The following CA10 variants were observed in gnomAD, a reference collection of about 807,000 sequenced individuals.
The protein encoded by CA10 is carbonic anhydrase-related protein 10.
Under a neutral mutation model 44.2 loss-of-function variants are expected in CA10, and 14 were observed. The ratio of observed to expected loss-of-function variants is 0.32; its 90% CI spans 0.21 to 0.50. The LOEUF (loss-of-function observed/expected upper bound fraction) is 0.50, where lower values mean the gene tolerates loss of function less well. CA10 is among the 20% of genes least tolerant of loss of function. The pLI is 0.99. For synonymous variants in CA10, 159 were observed against 141.6 expected (o/e 1.12, Z -0.87); for missense variants, 350 against 409.7 (o/e 0.85, Z 1.26).
At chr17:52,105,297 C>T (rs1988635166) in intron 1 of CA10, among the ~76,000 whole-genome samples, 1 of 152,010 alleles carries the variant, frequency 6.6e-6, no homozygotes. Context: ...CTCTGTCGCC[C>T]AGGCTGGAGT....
At chr17:52,118,329 T>G (rs1988941754) in intron 1 of CA10, among the ~76,000 whole-genome samples, 1 of 152,238 alleles carries the variant, frequency 6.6e-6, no homozygotes, top group South Asian at 2.1e-4. Flanking sequence ...AAAAATTTTT[T>G]GGAAAACAAA....
intron 3 of CA10, among the ~76,000 whole-genome samples, chr17:51,807,041 G>T (rs552198730): frequency 6.6e-6 from 1 of 152,228 alleles, no homozygotes; most frequent in Non-Finnish European, 1.5e-5. Flanking sequence ...AACCAAGGCA[G>T]ATTAAAGTGC....
intron 3 of CA10, among the ~76,000 whole-genome samples, chr17:51,875,098 C>T (rs1019115141): frequency 6.6e-6 from 1 of 152,020 alleles, no homozygotes; most frequent in Non-Finnish European, 1.5e-5. Context: ...CTCAACCTCC[C>T]AAGTAGCTGG....
chr17:51,678,315 G>C (rs1330842277), intron 4 of CA10, among the ~76,000 whole-genome samples: 1 of 152,098 alleles, frequency 6.6e-6, no homozygotes, highest in East Asian at 1.9e-4. Context: ...TTTTGACTGT[G>C]CTAAGTGCCA....
At chr17:51,757,852 A>G (rs1340660578) in intron 3 of CA10, among the ~76,000 whole-genome samples, 1 of 151,580 alleles carries the variant, frequency 6.6e-6, no homozygotes, top group Non-Finnish European at 1.5e-5. Context: ...GAGCTTTAGG[A>G]GTAGGCCTTT....
intron 4 of CA10, among the ~76,000 whole-genome samples, chr17:51,713,032 T>C (rs1335078945): frequency 6.6e-6 from 1 of 152,188 alleles, no homozygotes; most frequent in Non-Finnish European, 1.5e-5. Context: ...CTATCTCTGG[T>C]TCTAGAGCAG....
chr17:51,926,359 A>C (rs1331357084), intron 3 of CA10, among the ~76,000 whole-genome samples: 1 of 152,192 alleles, frequency 6.6e-6, no homozygotes, highest in Non-Finnish European at 1.5e-5. Context: ...CAAAAATGCC[A>C]AAAAGTTTTA....
chr17:51,762,395 G>C (rs1193605936), intron 3 of CA10: 1 of 152,194 alleles, frequency 6.6e-6, no homozygotes, highest in Non-Finnish European at 1.5e-5. Flanking sequence ...CAGAGGAGTG[G>C]GCATTTGAAA....
intron 3 of CA10, among the ~76,000 whole-genome samples, chr17:51,822,772 A>G (rs1443266623): frequency 1.3e-5 from 2 of 152,198 alleles, no homozygotes; most frequent in African/African-American, 4.8e-5. Context: ...TAGGTTTTGA[A>G]GAATTGAAAG....
intron 3 of CA10, among the ~76,000 whole-genome samples, chr17:51,838,951 C>A (rs1207845707): frequency 1.3e-5 from 2 of 152,196 alleles, no homozygotes; most frequent in Non-Finnish European, 2.9e-5. Context: ...TTCTTTCCTA[C>A]AAAATCGTGT....
chr17:51,944,093 C>A (rs1272035071), intron 2 of CA10, among the ~76,000 whole-genome samples: 1 of 152,052 alleles, frequency 6.6e-6, no homozygotes, highest in Non-Finnish European at 1.5e-5. Context: ...GTGTTCTAAT[C>A]CCAAGAAAGA....
chr17:51,880,231 A>T (rs1334412367), intron 3 of CA10, among the ~76,000 whole-genome samples: 1 of 151,136 alleles, frequency 6.6e-6, no homozygotes, highest in Non-Finnish European at 1.5e-5. Context: ...CTCCTGACCA[A>T]CCCTGGTATG....
intron 1 of CA10, among the ~76,000 whole-genome samples, chr17:52,146,348 T>C (rs572505070): frequency 2.0e-5 from 3 of 151,708 alleles, no homozygotes; most frequent in Non-Finnish European, 4.4e-5. Context: ...TCACTTGAGG[T>C]TGGGAGTTTT....
intron 2 of CA10, among the ~76,000 whole-genome samples, chr17:51,952,639 G>T (rs951784661): frequency 1.3e-5 from 2 of 152,084 alleles, no homozygotes; most frequent in Non-Finnish European, 2.9e-5. Flanking sequence ...AATAAAAAAT[G>T]TTAGGTCTTA....
chr17:51,940,985 C>T (rs1983056502), intron 2 of CA10, among the ~76,000 whole-genome samples: 1 of 152,056 alleles, frequency 6.6e-6, no homozygotes, highest in Non-Finnish European at 1.5e-5. Flanking sequence ...TGGAGTATGC[C>T]ATTGGTGGGA....
intron 2 of CA10, among the ~76,000 whole-genome samples, chr17:51,996,708 G>C (rs1174061755): frequency 1.3e-5 from 2 of 151,942 alleles, no homozygotes; most frequent in African/African-American, 2.4e-5. Context: ...TCATAAAAAT[G>C]CTTATTCAGT....
intron 3 of CA10, among the ~76,000 whole-genome samples, chr17:51,926,738 G>T (rs535215299): frequency 3.3e-5 from 5 of 152,202 alleles, no homozygotes; most frequent in African/African-American, 1.2e-4. Context: ...GGACTCTATG[G>T]TTACAAGGGG....
chr17:51,654,014 G>A (rs1162720507), intron 4 of CA10, among the ~76,000 whole-genome samples: 2 of 152,204 alleles, frequency 1.3e-5, no homozygotes, highest in Non-Finnish European at 2.9e-5. Context: ...TCCATCCCAG[G>A]ACATTTCCCC....
intron 3 of CA10, among the ~76,000 whole-genome samples, chr17:51,898,679 T>C (rs1981179205): frequency 6.6e-6 from 1 of 152,174 alleles, no homozygotes; most frequent in Admixed American, 6.6e-5. Context: ...CATCTGGTCC[T>C]GGGCTTTGTC....
Sources: gnomAD v4.1 joint callset for allele counts (sites outside exome capture counted in the v4.1 genomes callset) on GRCh38, gnomAD v4.1.1 for gene constraint, MANE v1.5 for transcripts, NCBI Gene and HGNC (gene_info 2026-07-23, HGNC 2026-07-21) for gene names.